FHOD3: variants seen among roughly 807,000 people sequenced by gnomAD.
The protein encoded by FHOD3 is FH1/FH2 domain-containing protein 3.
Under a neutral mutation model 173.0 loss-of-function variants are expected in FHOD3, and 90 were observed. That is an observed-to-expected ratio of 0.52 (90% CI 0.44 to 0.62). FHOD3 has a LOEUF of 0.62. Ranked by LOEUF, FHOD3 falls within the 20% of genes least tolerant of loss-of-function variation. The probability of loss-of-function intolerance (pLI) is 0.00; values close to 1 mark genes in which losing one functional copy is unlikely to be tolerated. For missense variants in FHOD3, 1,945 were observed against 2,034.7 expected, an observed-to-expected ratio of 0.96 and a Z score of 0.85; for synonymous variants, 828 against 823.0, an observed-to-expected ratio of 1.01 and a Z score of -0.10.
At chr18:36,458,806 A>G (rs1464634108) in intron 3 of FHOD3, among the ~76,000 whole-genome samples, 5 of 150,992 alleles carry the variant, frequency 3.3e-5, no homozygotes, top group African/African-American at 4.9e-5. Context: ...TTTAATTTTC[A>G]AATATATTTT....
chr18:36,508,281 TA>T (rs374243067), intron 4 of FHOD3, among the ~76,000 whole-genome samples: 1 of 150,716 alleles, frequency 6.6e-6, no homozygotes, highest in Non-Finnish European at 1.5e-5. Flanking sequence ...TTTTTTTTTT[TA>T]AAAAAAGCTA....
At chr18:36,758,970 A>AT (rs2042751678) in intron 25 of FHOD3, 148 bp from the exon 26 acceptor site, 2 of 836,926 alleles carry the variant, frequency 2.4e-6, no homozygotes, top group Admixed American at 4.2e-5. Context: ...GGCAGCTCCC[A>AT]ACTCAAGAGG....
chr18:36,684,954 A>G (rs1315700250), intron 15 of FHOD3, among the ~76,000 whole-genome samples: 1 of 152,026 alleles, frequency 6.6e-6, no homozygotes, highest in Non-Finnish European at 1.5e-5. Context: ...AGGCATGTAC[A>G]TGGGACTACT....
intron 8 of FHOD3, among the ~76,000 whole-genome samples, chr18:36,611,322 C>T (rs577679787): frequency 7.2e-5 from 11 of 152,308 alleles, no homozygotes; most frequent in South Asian, 6.2e-4. Context: ...TCACAGCTTC[C>T]GTGGGGCAGG....
intron 25 of FHOD3, among the ~76,000 whole-genome samples, chr18:36,757,238 G>A (rs994673308): frequency 2.0e-5 from 3 of 152,154 alleles, no homozygotes; most frequent in Non-Finnish European, 4.4e-5. Flanking sequence ...GATAGGCTTC[G>A]TCAGGATTCA....
At chr18:36,756,138 C>T (rs1341382132) in intron 25 of FHOD3, among the ~76,000 whole-genome samples, 1 of 152,128 alleles carries the variant, frequency 6.6e-6, no homozygotes, top group Non-Finnish European at 1.5e-5. Context: ...AACATAAAAA[C>T]CAGGCTAGCA....
chr18:36,479,212 AAAG>A (rs759112931), intron 3 of FHOD3, among the ~76,000 whole-genome samples: 6 of 152,256 alleles, frequency 3.9e-5, no homozygotes, highest in Non-Finnish European at 8.8e-5. Context: ...CAAGAAAATG[AAAG>A]ATTATGCCTT....
intron 5 of FHOD3, among the ~76,000 whole-genome samples, chr18:36,565,496 T>G (rs1056034755): frequency 6.6e-6 from 1 of 152,178 alleles, no homozygotes; most frequent in African/African-American, 2.4e-5. Flanking sequence ...CCCTACAGTA[T>G]CCCCATCTTC....
At chr18:36,690,218 G>A (rs1036554786) in intron 16 of FHOD3, among the ~76,000 whole-genome samples, 2 of 152,136 alleles carry the variant, frequency 1.3e-5, no homozygotes, top group Non-Finnish European at 2.9e-5. Context: ...CACATGACAG[G>A]CACTTGACAA....
chr18:36,658,652 A>G (rs912954326), intron 14 of FHOD3, among the ~76,000 whole-genome samples: 25 of 152,246 alleles, frequency 1.6e-4, no homozygotes, highest in Non-Finnish European at 7.3e-5. Context: ...ACATGGAAGG[A>G]ATTTAACTTG....
intron 4 of FHOD3, among the ~76,000 whole-genome samples, chr18:36,508,573 A>T (rs1457488348): frequency 6.6e-6 from 1 of 151,832 alleles, no homozygotes; most frequent in African/African-American, 2.4e-5. Flanking sequence ...TGATAATTGC[A>T]CTGGATCAAA....
rs755389941 is a variant in FHOD3 at position 36,594,791 on chromosome 18, G to A, written c.611G>A (p.Arg204His). 7 of 1,612,260 alleles carry A rather than the reference G, an allele frequency of 4.3e-6. No individual in the cohort carries two copies. The highest frequency in any genetic ancestry group is 2.2e-5 in the East Asian group (1 of 44,822). ...WLYTLIGSKFRLVVKTALKLL... is the reference protein window; with the variant it reads ...WLYTLIGSKFHLVVKTALKLL... ...TGGTTTTATCTCTTCTGCCAGTTCCGCCTGGTGGTGAAGACAGCCCTGAAG... is the reference window on the plus strand; with the variant it reads ...TGGTTTTATCTCTTCTGCCAGTTCCACCTGGTGGTGAAGACAGCCCTGAAG... Residue 204 changes from arginine (R) to histidine (H), a missense_variant, in exon 7 of 29, where the codon CGC (arginine) becomes CAC (histidine). Arg to His is a conservative substitution (Grantham distance 29). Transcript: ENST00000590592.
chr18:36,389,734 A>T (rs1270045804), intron 3 of FHOD3, among the ~76,000 whole-genome samples: 1 of 152,126 alleles, frequency 6.6e-6, no homozygotes, highest in African/African-American at 2.4e-5. Flanking sequence ...CCTATTCCAG[A>T]GAGAGCAGGG....
chr18:36,338,176 T>C (rs549458938), intron 1 of FHOD3, among the ~76,000 whole-genome samples: 1 of 152,192 alleles, frequency 6.6e-6, no homozygotes, highest in Non-Finnish European at 1.5e-5. Context: ...ATGAAGAAAC[T>C]GCACATTTAA....
intron 5 of FHOD3, among the ~76,000 whole-genome samples, chr18:36,558,753 T>A (rs1363103042): frequency 6.6e-6 from 1 of 152,234 alleles, no homozygotes; most frequent in South Asian, 2.1e-4. Flanking sequence ...ATTTTCAACA[T>A]TTAAAACACT....
chr18:36,362,808 T>G (rs560260332), intron 2 of FHOD3, among the ~76,000 whole-genome samples: 1 of 152,298 alleles, frequency 6.6e-6, no homozygotes, highest in South Asian at 2.1e-4. Context: ...GGCTTAAAAT[T>G]TTTGACTATA....
intron 4 of FHOD3, 104 bp from the exon 5 acceptor site, chr18:36,512,334 G>T: frequency 5.0e-6 from 4 of 800,786 alleles, no homozygotes; most frequent in Non-Finnish European, 8.5e-6. Flanking sequence ...AATCTGTAGG[G>T]TCCATTCTGG....
intron 3 of FHOD3, among the ~76,000 whole-genome samples, chr18:36,486,160 C>T (rs1234703372): frequency 1.3e-5 from 2 of 152,140 alleles, no homozygotes; most frequent in African/African-American, 2.4e-5. Context: ...AAATGGCTGC[C>T]GAGTGCAACA....
intron 3 of FHOD3, among the ~76,000 whole-genome samples, chr18:36,472,644 A>G (rs538844545): frequency 2.6e-5 from 4 of 152,292 alleles, no homozygotes; most frequent in Admixed American, 1.3e-4. Flanking sequence ...TGGACAATTC[A>G]TATATACAGA....
Sources: gnomAD v4.1 joint callset for allele counts (sites outside exome capture counted in the v4.1 genomes callset) on GRCh38, gnomAD v4.1.1 for gene constraint, MANE v1.5 for transcripts, NCBI Gene and HGNC (gene_info 2026-07-23, HGNC 2026-07-21) for gene names.